NOS1AP: variants seen among roughly 807,000 people sequenced by gnomAD.
NOS1AP encodes carboxyl-terminal PDZ ligand of neuronal nitric oxide synthase protein.
In NOS1AP, 21 loss-of-function variants were observed where a neutral mutation model predicts 56.2. That is an observed-to-expected ratio of 0.37 (90% CI 0.26 to 0.54). The LOEUF is 0.54. Among genes scored for constraint, NOS1AP ranks in the 20% least tolerant of loss-of-function variants. The probability of loss-of-function intolerance (pLI) is 0.84; values close to 1 mark genes in which losing one functional copy is unlikely to be tolerated. For missense variants in NOS1AP, 522 were observed against 657.8 expected (o/e 0.79, Z 2.26); for synonymous variants, 270 against 274.6 (o/e 0.98, Z 0.17).
rs534536070 is a variant in NOS1AP at position 162,163,070 on chromosome 1, A to G, written c.177+8594A>G. 7.2e-5 allele frequency among the ~76,000 whole-genome samples: 11 copies of G among 152,244 alleles called. No homozygotes were observed. In the South Asian group the frequency reaches 2.3e-3, roughly 32 times the overall value. On this transcript the variant is annotated intron_variant, in intron 2 of 9. Coordinates refer to ENST00000361897, the MANE Select transcript of NOS1AP (RefSeq NM_014697.3). Reference sequence around the variant, plus strand: ...CATCATACAATATGTGGCCTTTGGTATTTGGCTTCTTTCATTTAGCGTAAT... The same window carrying G: ...CATCATACAATATGTGGCCTTTGGTGTTTGGCTTCTTTCATTTAGCGTAAT...
Position 162,117,591 on chromosome 1 carries a change from C to T in NOS1AP, c.106-36814C>T, listed in dbSNP as rs185539333. 1.1e-4 allele frequency among the ~76,000 whole-genome samples: 17 copies of T among 152,340 alleles called. 1 individual carries two copies. The South Asian group carries it at 2.9e-3, about 26-fold the overall frequency. The stretch of plus-strand genomic sequence containing the variant: ...CCCTCAGCTGGGACTGCTGACCTCA[C>T]TCCTCCTTGTCTTTCAGACATGCCA... On this transcript the variant is annotated intron_variant, in intron 1 of 9. Transcript: ENST00000361897.
At chr1:162,092,332 A>C (rs547526544) in intron 1 of NOS1AP, among the ~76,000 whole-genome samples, 1 of 152,322 alleles carries the variant, frequency 6.6e-6, no homozygotes, top group South Asian at 2.1e-4. Flanking sequence ...GAGGGAGAGA[A>C]CAGAGGAGGA....
chr1:162,218,429 C>T (rs956941084), intron 2 of NOS1AP, among the ~76,000 whole-genome samples: 1 of 152,156 alleles, frequency 6.6e-6, no homozygotes, highest in Non-Finnish European at 1.5e-5. Flanking sequence ...CAAGCCCCTT[C>T]GGTTATGCCT....
Position 162,247,454 on chromosome 1 carries a change from T to C in NOS1AP, c.178-39890T>C, listed in dbSNP as rs187507255. On this transcript the variant is annotated intron_variant, in intron 2 of 9. Coordinates refer to ENST00000361897, the MANE Select transcript of NOS1AP (RefSeq NM_014697.3). The stretch of plus-strand genomic sequence containing the variant: ...AGAGTTCCCAGGGTTGAGTAACCTT[T>C]CCTGGAGCACTGTAGGCCCCACCTG... Among the ~76,000 whole-genome samples the C allele has an allele frequency of 1.0e-3, 152 of 152,336 alleles. 1 individual carries two copies. Among genetic ancestry groups the C allele is most frequent in the Non-Finnish European group, 1.9e-3 (128 of 68,032 alleles).
At position 162,074,381 on chromosome 1, in the gene NOS1AP, C is replaced by G. The variant is rs1378373793; in HGVS notation, c.105+4099C>G. Among the ~76,000 whole-genome samples, 2 of 152,204 alleles carry G rather than the reference C, an allele frequency of 1.3e-5. 1 individual carries two copies. The highest frequency in any genetic ancestry group is 4.1e-4 in the South Asian group (2 of 4,822). ...ATTAATAGTTGCTCCCTTTGTAGTC[C>G]TAACACTCATTGCCTAGATTGTTCC... On this transcript the variant is annotated intron_variant, in intron 1 of 9. Transcript: ENST00000361897.
chr1:162,291,130 C>A (rs1055057424), intron 3 of NOS1AP, among the ~76,000 whole-genome samples: 17 of 152,092 alleles, frequency 1.1e-4, no homozygotes, highest in African/African-American at 3.9e-4. Flanking sequence ...TGAGGTCCAA[C>A]ATCTCTGAGG....
At chr1:162,354,072 G>A (rs1240052316) in intron 6 of NOS1AP, among the ~76,000 whole-genome samples, 1 of 152,238 alleles carries the variant, frequency 6.6e-6, no homozygotes, top group African/African-American at 2.4e-5. Flanking sequence ...TGCCAGGCTT[G>A]TTTCCCTTGA....
chr1:162,181,569 C>T (rs977828521), intron 2 of NOS1AP, among the ~76,000 whole-genome samples: 1 of 152,066 alleles, frequency 6.6e-6, no homozygotes, highest in Non-Finnish European at 1.5e-5. Flanking sequence ...TTGTGAAGTT[C>T]TGGTTCTTAT....
At chr1:162,309,398 A>G (rs902853817) in intron 4 of NOS1AP, among the ~76,000 whole-genome samples, 1 of 152,250 alleles carries the variant, frequency 6.6e-6, no homozygotes, top group African/African-American at 2.4e-5. Context: ...GCCTACAAAG[A>G]AATAATTTTT....
chr1:162,345,703 A>G (rs1657270003), intron 6 of NOS1AP, among the ~76,000 whole-genome samples: 1 of 152,188 alleles, frequency 6.6e-6, no homozygotes, highest in Non-Finnish European at 1.5e-5. Context: ...TGCACCAGTC[A>G]CTGCCTGTGT....
chr1:162,125,359 C>T (rs1048692285), intron 1 of NOS1AP, among the ~76,000 whole-genome samples: 1 of 152,080 alleles, frequency 6.6e-6, no homozygotes, highest in African/African-American at 2.4e-5. Flanking sequence ...GTCTCGAACT[C>T]CTGAGCTTAG....
At chr1:162,128,984 C>A (rs761545129) in intron 1 of NOS1AP, among the ~76,000 whole-genome samples, 1 of 152,116 alleles carries the variant, frequency 6.6e-6, no homozygotes, top group African/African-American at 2.4e-5. Flanking sequence ...TCTCATTAGG[C>A]GCTGATAACC....
chr1:162,216,108 C>T (rs1036344557), intron 2 of NOS1AP, among the ~76,000 whole-genome samples: 2 of 152,214 alleles, frequency 1.3e-5, no homozygotes, highest in Admixed American at 6.5e-5. Flanking sequence ...TCCCCCATCT[C>T]CTCCCTGTCA....
chr1:162,224,859 C>A (rs918314606), intron 2 of NOS1AP, among the ~76,000 whole-genome samples: 2 of 152,192 alleles, frequency 1.3e-5, no homozygotes, highest in African/African-American at 2.4e-5. Context: ...CTGAGGGTCA[C>A]TGCCTTATCA....
At chr1:162,075,507 G>A (rs1021653482) in intron 1 of NOS1AP, among the ~76,000 whole-genome samples, 3 of 152,272 alleles carry the variant, frequency 2.0e-5, no homozygotes, top group African/African-American at 4.8e-5. Context: ...TTTGGTCACC[G>A]TAAATGGGGT....
At chr1:162,079,181 A>G (rs191944739) in intron 1 of NOS1AP, among the ~76,000 whole-genome samples, 14 of 152,030 alleles carry the variant, frequency 9.2e-5, no homozygotes, top group Middle Eastern at 3.4e-3. Context: ...GATACCCCCA[A>G]TCTCACACAG....
chr1:162,084,218 T>C (rs948950845), intron 1 of NOS1AP, among the ~76,000 whole-genome samples: 11 of 152,184 alleles, frequency 7.2e-5, no homozygotes, highest in Non-Finnish European at 1.5e-4. Context: ...TTTTCTTGGT[T>C]CTTGGAGTGA....
At chr1:162,245,243 G>A (rs552539380) in intron 2 of NOS1AP, among the ~76,000 whole-genome samples, 2 of 152,274 alleles carry the variant, frequency 1.3e-5, no homozygotes, top group Admixed American at 1.3e-4. Context: ...CTTCACCAAA[G>A]AAGACATAAA....
At chr1:162,119,353 A>G (rs1411913638) in intron 1 of NOS1AP, among the ~76,000 whole-genome samples, 1 of 152,114 alleles carries the variant, frequency 6.6e-6, no homozygotes, top group Non-Finnish European at 1.5e-5. Flanking sequence ...ATTAACCTAG[A>G]AGGATTTACT....
Sources: allele counts gnomAD v4.1 joint callset (sites outside exome capture counted in the v4.1 genomes callset), GRCh38; gene constraint gnomAD v4.1.1; transcripts MANE v1.5; gene names NCBI Gene and HGNC (gene_info 2026-07-23, HGNC 2026-07-21).